The following KIF6 variants were observed in gnomAD, a reference collection of about 807,000 sequenced individuals.
KIF6 encodes kinesin family member 6, also known as kinesin-like protein KIF6.
A neutral mutation model predicts 112.7 loss-of-function variants in KIF6; 106 were observed. That is an observed-to-expected ratio of 0.94 (90% confidence interval 0.80 to 1.11). KIF6 has a LOEUF of 1.11. KIF6 is among the 50% of genes least tolerant of loss of function. The probability of loss-of-function intolerance (pLI) is 0.00; values close to 1 mark genes in which losing one functional copy is unlikely to be tolerated. For synonymous variants in KIF6, 339 were observed against 339.9 expected (o/e 1.00, Z 0.03); for missense variants, 929 against 964.0 (o/e 0.96, Z 0.48).
At chr6:39,684,651 G>A (rs1787748271) in intron 3 of KIF6, among the ~76,000 whole-genome samples, 2 of 151,410 alleles carry the variant, frequency 1.3e-5, no homozygotes, top group African/African-American at 4.9e-5. Flanking sequence ...TTAGCTGGGA[G>A]TGGTGGCAAG....
At chr6:39,504,113 T>C (rs1321775246) in intron 13 of KIF6, among the ~76,000 whole-genome samples, 1 of 152,056 alleles carries the variant, frequency 6.6e-6, no homozygotes, top group Non-Finnish European at 1.5e-5. Flanking sequence ...CTCAACAAAA[T>C]AATGGCAAAC....
chr6:39,452,676 A>C (rs1429924957), intron 13 of KIF6, among the ~76,000 whole-genome samples: 4 of 152,206 alleles, frequency 2.6e-5, no homozygotes, highest in African/African-American at 9.6e-5. Flanking sequence ...GAAAAAAGGG[A>C]ACATTTTTAT....
chr6:39,558,443 A>G (rs1779837958), intron 10 of KIF6, among the ~76,000 whole-genome samples: 2 of 152,168 alleles, frequency 1.3e-5, no homozygotes, highest in African/African-American at 4.8e-5. Flanking sequence ...CAGAATAAAC[A>G]TTTGTTTCAG....
chr6:39,502,248 G>A (rs1404628830), intron 13 of KIF6, among the ~76,000 whole-genome samples: 1 of 152,120 alleles, frequency 6.6e-6, no homozygotes, highest in African/African-American at 2.4e-5. Context: ...AGCTTCATAA[G>A]TGAAGGAGAA....
chr6:39,352,653 G>C (rs1764347603), intron 19 of KIF6, among the ~76,000 whole-genome samples: 1 of 150,434 alleles, frequency 6.6e-6, no homozygotes, highest in Non-Finnish European at 1.5e-5. Context: ...ACCCAGGCTG[G>C]AGTGCAGTGG....
At position 39,544,650 on chromosome 6, in the gene KIF6, G is replaced by A. The variant is rs200500397; in HGVS notation, c.1331C>T (p.Ser444Phe). 1 of 1,610,584 alleles carries A rather than the reference G, an allele frequency of 6.2e-7. No individual in the cohort carries two copies. The highest frequency in any genetic ancestry group is 8.5e-7 in the Non-Finnish European group (1 of 1,178,630). Residue 444 changes from serine (S) to phenylalanine (F), a missense_variant, in exon 12 of 23, where the codon TCC becomes TTC. This residue lies in a region of KIF6 where 688 missense variants were observed against 662.7 expected (regional missense o/e 1.04). Transcript: ENST00000287152. ...ACAATCTTGGTCTTTGCTTTCAGAG[G>A]AGACTGTATTGTTTTCAAGGATCTT... ...DKKILENNTVSSESKDQDCQE... is the reference protein window; with the variant it reads ...DKKILENNTVFSESKDQDCQE...
At chr6:39,610,895 T>C (rs894889663) in intron 6 of KIF6, among the ~76,000 whole-genome samples, 2 of 152,054 alleles carry the variant, frequency 1.3e-5, no homozygotes, top group South Asian at 2.1e-4. Context: ...AGGCTTTACA[T>C]AGGAAAAATA....
intron 16 of KIF6, among the ~76,000 whole-genome samples, chr6:39,376,727 G>T (rs1011206804): frequency 2.0e-5 from 3 of 152,228 alleles, no homozygotes; most frequent in African/African-American, 7.2e-5. Context: ...AGAGTTCTGT[G>T]TGAGCCCAGA....
chr6:39,343,790 T>C lies in KIF6; in HGVS notation c.2347A>G (p.Ile783Val). 1 of 1,611,830 alleles carries C rather than the reference T, an allele frequency of 6.2e-7. No individual in the cohort carries two copies. The highest frequency in any genetic ancestry group is 8.5e-7 in the Non-Finnish European group (1 of 1,178,926). ...DSIPKRPVSS[I>V]PLTGDSQTDS... ...GTCTGGCTGTCTCCGGTGAGAGGGA[T>C]GGACGACACTGGCCTCTTGGGGATG... The change falls in exon 22 of 23, where the codon ATC becomes GTC. Residue 783 changes from isoleucine to valine, a missense_variant. By Grantham distance (29) the Ile-to-Val change is conservative (BLOSUM62 3). Around this residue, in one of 2 missense-constraint regions of KIF6, gnomAD observed 241 missense variants for 301.4 expected, o/e 0.80. Transcript: ENST00000287152. The surrounding 1 kb of genome is among the most constrained non-coding windows in gnomAD (Gnocchi z 4.1).
chr6:39,375,682 C>T (rs1562148109), intron 16 of KIF6, among the ~76,000 whole-genome samples: 1 of 152,130 alleles, frequency 6.6e-6, no homozygotes, highest in Non-Finnish European at 1.5e-5. Context: ...TGGACTAGAA[C>T]TACAGCTAGA....
intron 10 of KIF6, among the ~76,000 whole-genome samples, chr6:39,560,912 T>C (rs1779975388): frequency 6.6e-6 from 1 of 152,254 alleles, no homozygotes. Context: ...TTGTGCTTTG[T>C]ACTAACCTGA....
At chr6:39,671,085 A>G (rs1400794934) in intron 3 of KIF6, among the ~76,000 whole-genome samples, 1 of 152,252 alleles carries the variant, frequency 6.6e-6, no homozygotes, top group Non-Finnish European at 1.5e-5. Context: ...CCTGACTTCA[A>G]GAAGCTTATA....
At chr6:39,380,735 C>A (rs1050812474) in intron 16 of KIF6, among the ~76,000 whole-genome samples, 14 of 152,128 alleles carry the variant, frequency 9.2e-5, no homozygotes, top group African/African-American at 3.1e-4. Context: ...TATGATCTCG[C>A]TAAATGTGGA....
chr6:39,462,511 G>A (rs530007947), intron 13 of KIF6, among the ~76,000 whole-genome samples: 2 of 152,248 alleles, frequency 1.3e-5, no homozygotes, highest in Non-Finnish European at 2.9e-5. Context: ...GTCATTAATA[G>A]ACTGATAACA....
At chr6:39,346,366 TG>T in intron 20 of KIF6, 109 bp downstream of exon 20, 1 of 709,998 alleles carries the variant, frequency 1.4e-6, no homozygotes. Context: ...CTCTCATGAA[TG>T]GGATTAGAGT....
At chr6:39,604,596 C>T (rs375644933) in intron 6 of KIF6, among the ~76,000 whole-genome samples, 35 of 152,236 alleles carry the variant, frequency 2.3e-4, no homozygotes, top group Middle Eastern at 6.8e-3. Context: ...TCCCCAGTTG[C>T]AGGATTCTAG....
chr6:39,480,792 T>A (rs1172151413), intron 13 of KIF6, among the ~76,000 whole-genome samples: 1 of 152,218 alleles, frequency 6.6e-6, no homozygotes, highest in Non-Finnish European at 1.5e-5. Flanking sequence ...AGGAGAGTTG[T>A]ATATTTCCAG....
At chr6:39,715,756 G>C (rs776853635) in intron 2 of KIF6, among the ~76,000 whole-genome samples, 1 of 152,238 alleles carries the variant, frequency 6.6e-6, no homozygotes, top group South Asian at 2.1e-4. Context: ...TATACAAAGA[G>C]ATAATCTAAG....
At chr6:39,462,687 TGA>T (rs1773551993) in intron 13 of KIF6, among the ~76,000 whole-genome samples, 1 of 152,116 alleles carries the variant, frequency 6.6e-6, no homozygotes, top group Non-Finnish European at 1.5e-5. Context: ...ATATCTGAAA[TGA>T]GAGGCCCACA....
Sources: allele counts gnomAD v4.1 joint callset (sites outside exome capture counted in the v4.1 genomes callset), GRCh38; gene constraint gnomAD v4.1.1; regional missense constraint gnomAD v4.1.1; non-coding constraint Gnocchi (gnomAD v3.1); transcripts MANE v1.5; gene names NCBI Gene and HGNC (gene_info 2026-07-23, HGNC 2026-07-21).